Variants in CPQ observed in about 807,000 individuals in gnomAD.
CPQ encodes the protein Ser-Met dipeptidase.
CPQ carries 37 observed loss-of-function variants against 45.7 expected under a neutral mutation model. The observed-to-expected ratio is 0.81, with a 90% CI of 0.62 to 1.07. The LOEUF (loss-of-function observed/expected upper bound fraction) is 1.07, where lower values mean the gene tolerates loss of function less well. Ranked by LOEUF, CPQ falls within the 50% of genes least tolerant of loss-of-function variation. The pLI is 0.00. For synonymous variants in CPQ, 186 were observed against 205.8 expected, an observed-to-expected ratio of 0.90 and a Z score of 0.82; for missense variants, 537 against 572.9, an observed-to-expected ratio of 0.94 and a Z score of 0.64.
At chr8:96,870,826 T>G (rs948398505) in intron 3 of CPQ, among the ~76,000 whole-genome samples, 1 of 152,000 alleles carries the variant, frequency 6.6e-6, no homozygotes, top group Non-Finnish European at 1.5e-5. Context: ...TAGGCATCTA[T>G]GGAACAAAAA....
chr8:96,962,070 G>C (rs186604399), intron 4 of CPQ, among the ~76,000 whole-genome samples: 1 of 152,158 alleles, frequency 6.6e-6, no homozygotes, highest in African/African-American at 2.4e-5. Flanking sequence ...GATGTATGCC[G>C]TTGTCATTCT....
At chr8:96,950,773 A>G (rs970725724) in intron 4 of CPQ, among the ~76,000 whole-genome samples, 2 of 152,182 alleles carry the variant, frequency 1.3e-5, no homozygotes, top group Non-Finnish European at 2.9e-5. Context: ...ATACTAGGCA[A>G]TGCATTAGGA....
intron 5 of CPQ, among the ~76,000 whole-genome samples, chr8:96,976,329 G>A (rs1385051479): frequency 7.2e-6 from 1 of 139,010 alleles, no homozygotes; most frequent in African/African-American, 2.6e-5. Flanking sequence ...AAACTAAAAA[G>A]CTCTGCTGAA....
At chr8:96,699,386 A>G in intron 1 of CPQ, among the ~76,000 whole-genome samples, 1 of 152,172 alleles carries the variant, frequency 6.6e-6, no homozygotes, top group East Asian at 1.9e-4. Context: ...CTACAAAAAT[A>G]TGTTTAGAAA....
At chr8:97,012,220 C>A (rs1020033870) in intron 5 of CPQ, among the ~76,000 whole-genome samples, 1 of 152,144 alleles carries the variant, frequency 6.6e-6, no homozygotes, top group Non-Finnish European at 1.5e-5. Flanking sequence ...TTTTTTATTT[C>A]TGCACAGTTA....
At chr8:97,023,016 T>TATACTGTATATATATACTATATAC (rs1554584143) in intron 5 of CPQ, among the ~76,000 whole-genome samples, 2 of 133,646 alleles carry the variant, frequency 1.5e-5, no homozygotes, top group East Asian at 4.3e-4. Context: ...ATACTATATA[T>TATACTGTATATATATACTATATAC]AGTATATATA....
chr8:96,712,656 A>G (rs1161697090), intron 1 of CPQ, among the ~76,000 whole-genome samples: 1 of 152,202 alleles, frequency 6.6e-6, no homozygotes, highest in East Asian at 1.9e-4. Flanking sequence ...AGCAGCTGGG[A>G]TGCAGGGCAT....
rs138351403 is a variant in CPQ at position 97,068,188 on chromosome 8, G to C, written c.1255+1978G>C. 4.7e-3 allele frequency among the ~76,000 whole-genome samples: 721 copies of C among 152,242 alleles called. 8 individuals carry two copies. The highest frequency in any genetic ancestry group is 0.017 in the African/African-American group (687 of 41,528). On this transcript the variant is annotated intron_variant, in intron 7 of 7. Coordinates refer to ENST00000220763, the MANE Select transcript of CPQ (RefSeq NM_016134.4). Reference sequence around the variant, plus strand: ...TCACATGTACGTGTTGTATAAGAATGGTTCTGTTTGGAGTGATCAGGTTAA... The same window carrying C: ...TCACATGTACGTGTTGTATAAGAATCGTTCTGTTTGGAGTGATCAGGTTAA...
At chr8:96,857,097 A>C (rs1002633199) in intron 3 of CPQ, among the ~76,000 whole-genome samples, 1 of 152,156 alleles carries the variant, frequency 6.6e-6, no homozygotes, top group Non-Finnish European at 1.5e-5. Context: ...ACAGGCCTGT[A>C]ATTTAACTGC....
intron 4 of CPQ, among the ~76,000 whole-genome samples, chr8:96,922,999 T>C (rs551069247): frequency 3.3e-5 from 5 of 152,230 alleles, no homozygotes; most frequent in African/African-American, 1.2e-4. Flanking sequence ...ATCAAAGTAA[T>C]AGGAGGACTA....
At chr8:96,999,797 C>G (rs1000575912) in intron 5 of CPQ, among the ~76,000 whole-genome samples, 2 of 152,018 alleles carry the variant, frequency 1.3e-5, no homozygotes, top group South Asian at 4.1e-4. Context: ...GTCTTTAGGT[C>G]TTTGAGTAAT....
rs1276047644 is a variant in CPQ, at chr8:96,708,435, G to GTA, written c.-35+63034_-35+63035insAT. On this transcript the variant is annotated intron_variant, in intron 1 of 7. Transcript: ENST00000220763. Reference sequence around the variant, plus strand: ...GTAAGCCATATGTGTGTGTGTGTGTGTGTATATATATATATATATATATAC... The same window carrying GTA: ...GTAAGCCATATGTGTGTGTGTGTGTGTATGTATATATATATATATATATATAC... 2.7e-3 allele frequency among the ~76,000 whole-genome samples: 160 copies of GTA among 60,066 alleles called. 1 individual carries two copies. The highest frequency in any genetic ancestry group is 6.1e-3 in the African/African-American group (143 of 23,576). 39.4% of individuals were successfully genotyped at this position (60,066 alleles called of 152,430 possible).
chr8:96,936,923 T>C (rs985935975), intron 4 of CPQ, among the ~76,000 whole-genome samples: 1 of 152,116 alleles, frequency 6.6e-6, no homozygotes. Flanking sequence ...TTATTTTGTA[T>C]TGTCATATGT....
chr8:97,108,297 G>A (rs1301486689), intron 7 of CPQ, among the ~76,000 whole-genome samples: 1 of 152,178 alleles, frequency 6.6e-6, no homozygotes, highest in Non-Finnish European at 1.5e-5. Flanking sequence ...CAACTCTGCT[G>A]CCATTTTCTC....
chr8:97,106,691 A>T (rs1811411185), intron 7 of CPQ, among the ~76,000 whole-genome samples: 1 of 152,246 alleles, frequency 6.6e-6, no homozygotes, highest in Non-Finnish European at 1.5e-5. Flanking sequence ...TACAGAAATC[A>T]TTTGAGAATC....
intron 3 of CPQ, among the ~76,000 whole-genome samples, chr8:96,872,709 C>A (rs1239623397): frequency 6.6e-6 from 1 of 151,640 alleles, no homozygotes; most frequent in Non-Finnish European, 1.5e-5. Flanking sequence ...TGCAAGTAAG[C>A]AGAAATTTTA....
At chr8:96,824,889 TATTTA>T (rs1029837962) in intron 2 of CPQ, among the ~76,000 whole-genome samples, 2 of 152,098 alleles carry the variant, frequency 1.3e-5, no homozygotes, top group African/African-American at 2.4e-5. Flanking sequence ...CAATGTGGGA[TATTTA>T]ATTCAATTCA....
At chr8:97,049,816 C>G (rs1810327246) in intron 6 of CPQ, among the ~76,000 whole-genome samples, 1 of 152,160 alleles carries the variant, frequency 6.6e-6, no homozygotes, top group South Asian at 2.1e-4. Flanking sequence ...TCTCTGAACC[C>G]TTTGGTCATT....
chr8:96,647,314 TCA>T (rs1249210855), intron 1 of CPQ, among the ~76,000 whole-genome samples: 1 of 152,214 alleles, frequency 6.6e-6, no homozygotes, highest in Non-Finnish European at 1.5e-5. Flanking sequence ...GCCAACTTTC[TCA>T]CACTGTTTTC....
Sources: gnomAD v4.1 joint callset for allele counts (sites outside exome capture counted in the v4.1 genomes callset) on GRCh38, gnomAD v4.1.1 for gene constraint, MANE v1.5 for transcripts, NCBI Gene and HGNC (gene_info 2026-07-23, HGNC 2026-07-21) for gene names.